Variants in CPED1 observed in about 807,000 individuals in gnomAD.
CPED1 encodes cadherin like and PC-esterase domain containing 1.
Under a neutral mutation model 128.2 loss-of-function variants are expected in CPED1, and 114 were observed. The observed-to-expected ratio is 0.89, with a 90% confidence interval of 0.76 to 1.04. CPED1 has a LOEUF of 1.04. Ranked by LOEUF, CPED1 falls within the 50% of genes least tolerant of loss-of-function variation. CPED1 has a pLI of 0.00. For synonymous variants in CPED1, 462 were observed against 426.7 expected, an observed-to-expected ratio of 1.08 and a Z score of -1.02; for missense variants, 1,211 against 1,207.1, an observed-to-expected ratio of 1.00 and a Z score of -0.05.
At chr7:121,249,147 TAAAC>T (rs1358766150) in intron 18 of CPED1, among the ~76,000 whole-genome samples, 1 of 152,030 alleles carries the variant, frequency 6.6e-6, no homozygotes, top group African/African-American at 2.4e-5. Flanking sequence ...TTGAAAAAAT[TAAAC>T]AAAAACTCCA....
chr7:121,039,763 C>T (rs1792999618), intron 3 of CPED1, among the ~76,000 whole-genome samples: 1 of 152,048 alleles, frequency 6.6e-6, no homozygotes, highest in Non-Finnish European at 1.5e-5. Flanking sequence ...GGAACTTTAG[C>T]AAGCCTTCTA....
At chr7:121,034,293 G>A (rs1229088256) in intron 3 of CPED1, among the ~76,000 whole-genome samples, 1 of 138,306 alleles carries the variant, frequency 7.2e-6, no homozygotes, top group Non-Finnish European at 1.5e-5. Flanking sequence ...TGTCACCCAG[G>A]CTGGAGTGCA....
At chr7:120,999,101 A>G (rs1284970661) in intron 2 of CPED1, among the ~76,000 whole-genome samples, 1 of 152,212 alleles carries the variant, frequency 6.6e-6, no homozygotes, top group East Asian at 1.9e-4. Context: ...TAAATGAATG[A>G]TGAATTTGAA....
intron 17 of CPED1, among the ~76,000 whole-genome samples, chr7:121,240,684 A>G (rs1435160896): frequency 6.7e-6 from 1 of 148,906 alleles, no homozygotes; most frequent in Non-Finnish European, 1.5e-5. Flanking sequence ...CAGAGGCCTC[A>G]GTTCTGGGCC....
At chr7:121,253,061 C>T (rs1184097655) in intron 18 of CPED1, among the ~76,000 whole-genome samples, 1 of 151,932 alleles carries the variant, frequency 6.6e-6, no homozygotes, top group Non-Finnish European at 1.5e-5. Context: ...TGGAACCAAG[C>T]CAAATGTCCA....
At chr7:121,203,879 G>T (rs1389000737) in intron 16 of CPED1, among the ~76,000 whole-genome samples, 2 of 152,068 alleles carry the variant, frequency 1.3e-5, no homozygotes, top group Non-Finnish European at 2.9e-5. Flanking sequence ...TGTCAGTTGC[G>T]TGTCACATGG....
At chr7:121,273,812 G>A (rs563690959) in intron 22 of CPED1, among the ~76,000 whole-genome samples, 3 of 152,166 alleles carry the variant, frequency 2.0e-5, no homozygotes, top group South Asian at 2.1e-4. Flanking sequence ...AATATACAAC[G>A]TTTAGAGTAC....
At chr7:121,060,417 G>A (rs1413063053) in intron 4 of CPED1, among the ~76,000 whole-genome samples, 1 of 152,238 alleles carries the variant, frequency 6.6e-6, no homozygotes, top group Non-Finnish European at 1.5e-5. Flanking sequence ...TGGTGGGGAC[G>A]TGGAGAATCT....
At chr7:121,152,589 G>A (rs1418299462) in intron 16 of CPED1, among the ~76,000 whole-genome samples, 4 of 152,180 alleles carry the variant, frequency 2.6e-5, no homozygotes, top group African/African-American at 9.7e-5. Flanking sequence ...GAAAAATTGA[G>A]TTAATATTGT....
rs751310396 is a variant in CPED1 at position 121,266,372 on chromosome 7, C to A, written c.2456C>A (p.Ser819Tyr). The stretch of plus-strand genomic sequence containing the variant: ...GGTGGGAAGACTTTGATCAGTTATT[C>A]CTACTATCCCCAGTTCTGGATAAGC... Reference protein sequence around the residue: ...VNGGKTLISYSYYPQFWISPS... With the variant: ...VNGGKTLISYYYYPQFWISPS... The change falls in exon 19 of 23, where the codon TCC becomes TAC. Residue 819 changes from serine (S) to tyrosine (Y), a missense_variant. By Grantham distance (144) the Ser-to-Tyr change is moderately radical (BLOSUM62 -2). Transcript: ENST00000310396. 1.9e-6 allele frequency: 3 copies of A among 1,613,168 alleles called. No individual in the cohort carries two copies. In the South Asian group the frequency reaches 3.3e-5, roughly 18 times the overall value.
chr7:121,119,564 G>A (rs1338685498), intron 7 of CPED1, among the ~76,000 whole-genome samples: 1 of 150,906 alleles, frequency 6.6e-6, no homozygotes, highest in African/African-American at 2.4e-5. Context: ...GGTGGCTCAT[G>A]CCTGTAATCC....
intron 2 of CPED1, 102 bp from the exon 3 acceptor site, chr7:121,015,562 CT>C: frequency 1.8e-6 from 2 of 1,085,500 alleles, no homozygotes; most frequent in Non-Finnish European, 2.6e-6. Flanking sequence ...TAGAGAAAAA[CT>C]TTAGAATAAC....
intron 16 of CPED1, among the ~76,000 whole-genome samples, chr7:121,230,323 G>A (rs6977352): frequency 0.46 from 69,253 of 151,848 alleles, 16,444 homozygotes; most frequent in Middle Eastern, 0.56. Flanking sequence ...CTTGGGCACC[G>A]AATCTTCCAA....
rs545392135 is a variant in CPED1, at chr7:121,058,239, C to T, written c.541-5999C>T. Among the ~76,000 whole-genome samples, 22 of 152,170 alleles carry T rather than the reference C, an allele frequency of 1.4e-4. No homozygotes were observed. In the East Asian group the frequency reaches 1.9e-3, roughly 13 times the overall value. On this transcript the variant is annotated intron_variant, in intron 4 of 22. Transcript: ENST00000310396. ...GAGAGTAATTGGATGATTCTGAGCA[C>T]GCAGATGACAGATGACATGAGTCCA...
At chr7:121,235,725 A>G (rs1016637059) in intron 16 of CPED1, among the ~76,000 whole-genome samples, 1 of 152,164 alleles carries the variant, frequency 6.6e-6, no homozygotes, top group African/African-American at 2.4e-5. Flanking sequence ...TATAGTAGAA[A>G]AGACCCAGAC....
At chr7:121,014,939 G>T (rs568988755) in intron 2 of CPED1, among the ~76,000 whole-genome samples, 1 of 152,242 alleles carries the variant, frequency 6.6e-6, no homozygotes, top group Admixed American at 6.5e-5. Context: ...GCCTTATAAT[G>T]AATTTAAATT....
chr7:121,191,215 C>T (rs986728175), intron 16 of CPED1, among the ~76,000 whole-genome samples: 2 of 152,184 alleles, frequency 1.3e-5, no homozygotes, highest in African/African-American at 2.4e-5. Context: ...CCAAACTCTT[C>T]GAAAAACACC....
chr7:121,136,153 A>C (rs1429373093), intron 14 of CPED1, 63 bp downstream of exon 14: 1 of 1,444,150 alleles, frequency 6.9e-7, no homozygotes, highest in East Asian at 2.6e-5. Context: ...CTTACTTTGA[A>C]AAAAAATGCA....
Position 121,140,908 on chromosome 7 carries a change from A to G in CPED1, c.1781A>G (p.Lys594Arg), listed in dbSNP as rs1261959271. ...AATCCTGACTTTCATCCAAAGATCAAAGATTATTACTGTGAAGTCCCATTT... is the reference window on the plus strand; with the variant it reads ...AATCCTGACTTTCATCCAAAGATCAGAGATTATTACTGTGAAGTCCCATTT... ...ELNPDFHPKI[K>R]DYYCEVPFDV... The change falls in exon 15 of 23, where the codon AAA becomes AGA. Residue 594 changes from lysine (K) to arginine (R), a missense_variant. Transcript: ENST00000310396. The G allele has an allele frequency of 6.2e-7, 1 of 1,612,492 alleles. No individual in the cohort carries two copies. The highest frequency in any genetic ancestry group is 8.5e-7 in the Non-Finnish European group (1 of 1,179,126).
Sources: allele counts gnomAD v4.1 joint callset (sites outside exome capture counted in the v4.1 genomes callset), GRCh38; gene constraint gnomAD v4.1.1; transcripts MANE v1.5; gene names NCBI Gene and HGNC (gene_info 2026-07-23, HGNC 2026-07-21).